Variants in PTPRN2 observed in about 807,000 individuals in gnomAD.
PTPRN2 encodes the protein receptor-type tyrosine-protein phosphatase N2.
In PTPRN2, 74 loss-of-function variants were observed where a neutral mutation model predicts 118.8. The observed-to-expected ratio is 0.62, with a 90% CI of 0.52 to 0.76. PTPRN2 has a LOEUF of 0.76. PTPRN2 is among the 30% of genes least tolerant of loss of function. The pLI is 0.00. For missense variants in PTPRN2, 1,481 were observed against 1,394.4 expected, an observed-to-expected ratio of 1.06 and a Z score of -0.99; for synonymous variants, 641 against 608.0, an observed-to-expected ratio of 1.05 and a Z score of -0.80.
At position 157,756,017 on chromosome 7, in the gene PTPRN2, T is replaced by C. The variant is rs1801758197; in HGVS notation, c.1789-73080A>G. On this transcript the variant is annotated intron_variant, in intron 12 of 22. Transcript: ENST00000389418. Reference sequence around the variant, plus strand: ...GTAGGTAAATGCTGCAGTGGTTTACTTGGCATCTGACTACCCTGACATTTT... The same window carrying C: ...GTAGGTAAATGCTGCAGTGGTTTACCTGGCATCTGACTACCCTGACATTTT... Among the ~76,000 whole-genome samples, 5 of 152,236 alleles carry C rather than the reference T, an allele frequency of 3.3e-5. No individual in the cohort carries two copies. The South Asian group carries it at 1.0e-3, about 31-fold the overall frequency.
At chr7:157,962,155 CAG>C (rs778408438) in intron 11 of PTPRN2, among the ~76,000 whole-genome samples, 15 of 152,212 alleles carry the variant, frequency 9.9e-5, no homozygotes, top group Non-Finnish European at 1.3e-4. Flanking sequence ...TTGAAAAATC[CAG>C]AGTCTTCTAT....
intron 12 of PTPRN2, among the ~76,000 whole-genome samples, chr7:157,852,323 A>T (rs147669184): frequency 0.014 from 2,156 of 152,318 alleles, 19 homozygotes; most frequent in Middle Eastern, 0.02. Flanking sequence ...TAACCTGACT[A>T]AAAAAAGTAG....
At chr7:158,335,446 A>T (rs538077894) in intron 2 of PTPRN2, among the ~76,000 whole-genome samples, 574 of 44,062 alleles carry the variant, frequency 0.013, 143 homozygotes, top group African/African-American at 0.046. Context: ...TGACACATGC[A>T]GATGTCACTC....
At chr7:157,692,888 G>A (rs6970400) in intron 12 of PTPRN2, among the ~76,000 whole-genome samples, 14,326 of 152,104 alleles carry the variant, frequency 0.094, 902 homozygotes, top group Admixed American at 0.16. Context: ...AGAGAGAAGC[G>A]GTACTCGGGT....
At chr7:157,921,486 T>G (rs1285855934) in intron 11 of PTPRN2, among the ~76,000 whole-genome samples, 1 of 152,238 alleles carries the variant, frequency 6.6e-6, no homozygotes, top group Non-Finnish European at 1.5e-5. Context: ...CTGAAACTCA[T>G]GCTGAAATTT....
At chr7:158,305,000 C>A (rs758707337) in intron 3 of PTPRN2, among the ~76,000 whole-genome samples, 5 of 152,150 alleles carry the variant, frequency 3.3e-5, no homozygotes, top group African/African-American at 4.8e-5. Flanking sequence ...TCTTTCAGGG[C>A]CTGCAATCTG....
chr7:158,452,334 A>C (rs2129438957), intron 2 of PTPRN2, among the ~76,000 whole-genome samples: 1 of 152,392 alleles, frequency 6.6e-6, no homozygotes, highest in South Asian at 2.1e-4. Flanking sequence ...AGGTTTATTC[A>C]GAGAGAATTC....
chr7:158,456,870 G>A (rs1050177271), intron 2 of PTPRN2, among the ~76,000 whole-genome samples: 6 of 152,074 alleles, frequency 3.9e-5, no homozygotes, highest in Non-Finnish European at 2.9e-5. Flanking sequence ...CACCTCCTGG[G>A]CTCAATGATT....
intron 12 of PTPRN2, among the ~76,000 whole-genome samples, chr7:157,800,826 C>T (rs112700798): frequency 0.026 from 3,956 of 151,830 alleles, 169 homozygotes; most frequent in African/African-American, 0.088. Flanking sequence ...GTGGCGGGCA[C>T]CTGTAGTCCC....
intron 11 of PTPRN2, among the ~76,000 whole-genome samples, chr7:157,925,436 C>T (rs546342057): frequency 2.0e-5 from 3 of 152,358 alleles, no homozygotes; most frequent in African/African-American, 7.2e-5. Context: ...ATCTAAATGC[C>T]CACATTTGCT....
In PTPRN2 at chr7:157,690,467, C is replaced by T. The variant is rs1797420269; in HGVS notation, c.1789-7530G>A. On this transcript the variant is annotated intron_variant, in intron 12 of 22. Coordinates refer to ENST00000389418, the MANE Select transcript of PTPRN2 (RefSeq NM_002847.5). This position sits in a 1 kb window ranked among gnomAD's most constrained non-coding sequence, Gnocchi z 7.1. ...TCGTGGGCCCTTCCTGCTCCCTCCG[C>T]CCCCATCCCAGCCTCTCTCGCCTCT... Among the ~76,000 whole-genome samples the T allele has an allele frequency of 1.3e-5, 2 of 152,146 alleles. No homozygotes were observed. Among genetic ancestry groups the T allele is most frequent in the African/African-American group, 2.4e-5 (1 of 41,456 alleles).
At chr7:157,616,674 A>G (rs1802793328) in intron 15 of PTPRN2, 1 of 152,092 alleles carries the variant, frequency 6.6e-6, no homozygotes, top group Admixed American at 6.5e-5. Context: ...GCGAGGTGAC[A>G]TATATGCCCA....
chr7:157,940,806 T>C (rs1467423361), intron 11 of PTPRN2, among the ~76,000 whole-genome samples: 1 of 69,566 alleles, frequency 1.4e-5, no homozygotes, highest in Non-Finnish European at 2.2e-5. Context: ...CCCATGACAC[T>C]GCAAATCTAA....
Position 157,591,171 on chromosome 7 carries a change from G to A in PTPRN2, c.2496+4067C>T, listed in dbSNP as rs1388610206. Among the ~76,000 whole-genome samples, 1 of 152,134 alleles carries A rather than the reference G, an allele frequency of 6.6e-6. No individual in the cohort carries two copies. The highest frequency in any genetic ancestry group is 2.4e-5 in the African/African-American group (1 of 41,420). ...CTGTGTGACAGGGAGGCAGAGATGA[G>A]GGGGACACTTCGAATCCCCCAAGGA... On this transcript the variant is annotated intron_variant, in intron 17 of 22. Coordinates refer to ENST00000389418, the MANE Select transcript of PTPRN2 (RefSeq NM_002847.5). This position sits in a 1 kb window ranked among gnomAD's most constrained non-coding sequence, Gnocchi z 4.4.
At chr7:158,100,790 A>G (rs1017061420) in intron 10 of PTPRN2, among the ~76,000 whole-genome samples, 1 of 152,168 alleles carries the variant, frequency 6.6e-6, no homozygotes, top group Admixed American at 6.5e-5. Context: ...GAGTCTGGAT[A>G]TTAGTCTTTT....
rs541454715 is a variant in PTPRN2 at position 158,561,343 on chromosome 7, C to G, written c.112+26215G>C. 2.6e-5 allele frequency among the ~76,000 whole-genome samples: 4 copies of G among 152,160 alleles called. No homozygotes were observed. The South Asian group carries it at 8.3e-4, about 32-fold the overall frequency. On this transcript the variant is annotated intron_variant, in intron 1 of 22. Coordinates refer to ENST00000389418, the MANE Select transcript of PTPRN2 (RefSeq NM_002847.5). Reference sequence around the variant, plus strand: ...GAGATAAACCCCTGCCTGAGAAAATCCCCCTGACAGCTCTTCGGGGGTGTG... The same window carrying G: ...GAGATAAACCCCTGCCTGAGAAAATGCCCCTGACAGCTCTTCGGGGGTGTG...
At chr7:158,337,027 C>T (rs1363079861) in intron 2 of PTPRN2, among the ~76,000 whole-genome samples, 3 of 105,014 alleles carry the variant, frequency 2.9e-5, no homozygotes, top group Middle Eastern at 4.8e-3. Flanking sequence ...AGAGCTGTCA[C>T]CCACAGACAT....
chr7:157,912,744 C>G lies in PTPRN2; in HGVS notation c.1724-14007G>C, dbSNP rs1271187759. ...ATACCCCATTTCCCCATCAAAGTTT[C>G]TTGTAAAGGCCATCCTTCCCACTGA... is the stretch of plus-strand genomic sequence containing the variant. On this transcript the variant is annotated intron_variant, in intron 11 of 22. Coordinates refer to ENST00000389418, the MANE Select transcript of PTPRN2 (RefSeq NM_002847.5). Among the ~76,000 whole-genome samples the G allele has an allele frequency of 3.3e-5, 5 of 152,220 alleles. No homozygotes were observed. The East Asian group carries it at 7.7e-4, about 23-fold the overall frequency.
chr7:157,692,910 C>T (rs1490700933), intron 12 of PTPRN2, among the ~76,000 whole-genome samples: 1 of 152,098 alleles, frequency 6.6e-6, no homozygotes, highest in Non-Finnish European at 1.5e-5. Flanking sequence ...CCCCCAGCGC[C>T]CGGGATGCCC....
Sources: allele counts gnomAD v4.1 joint callset (sites outside exome capture counted in the v4.1 genomes callset), GRCh38; gene constraint gnomAD v4.1.1; non-coding constraint Gnocchi (gnomAD v3.1); transcripts MANE v1.5; gene names NCBI Gene and HGNC (gene_info 2026-07-23, HGNC 2026-07-21).